Variants in NRG2 observed in about 807,000 individuals in gnomAD.
NRG2 encodes the protein pro-neuregulin-2, membrane-bound isoform.
A neutral mutation model predicts 73.9 loss-of-function variants in NRG2; 27 were observed. The observed-to-expected ratio is 0.37, with a 90% CI of 0.27 to 0.50. NRG2 has a LOEUF of 0.50. Among genes scored for constraint, NRG2 ranks in the 20% least tolerant of loss-of-function variants. The pLI is 0.96. For synonymous variants in NRG2, 532 were observed against 541.0 expected (o/e 0.98, Z 0.23); for missense variants, 1,126 against 1,210.1 (o/e 0.93, Z 1.03).
In NRG2 at chr5:139,894,193, C is replaced by A. The variant is rs1764407718; in HGVS notation, c.701-6682G>T. On this transcript the variant is annotated intron_variant, in intron 1 of 9. Transcript: ENST00000361474. This position sits in a 1 kb window ranked among gnomAD's most constrained non-coding sequence, Gnocchi z 5.0. ...GGCAACCCAGCCAGGGAGGACCTGG[C>A]TCTGCCTCCCTCCCGGCACCCAGCG... 6.6e-6 allele frequency among the ~76,000 whole-genome samples: 1 copy of A among 152,194 alleles called. No homozygotes were observed. The highest frequency in any genetic ancestry group is 2.1e-4 in the South Asian group (1 of 4,832).
chr5:139,903,346 C>T (rs1242877918), intron 1 of NRG2, among the ~76,000 whole-genome samples: 1 of 152,202 alleles, frequency 6.6e-6, no homozygotes, highest in East Asian at 1.9e-4. Flanking sequence ...ACCACCTGCT[C>T]CCAGGATTGT....
Position 139,851,811 on chromosome 5 carries a change from C to T in NRG2, c.1565G>A (p.Ser522Asn), listed in dbSNP as rs1242667168. 1 of 1,614,202 alleles carries T rather than the reference C, an allele frequency of 6.2e-7. No individual in the cohort carries two copies. The highest frequency in any genetic ancestry group is 8.5e-7 in the Non-Finnish European group (1 of 1,180,030). Residue 522 changes from serine (S) to asparagine (N), a missense_variant, in exon 9 of 10, where the codon AGC (serine) becomes AAC (asparagine). By Grantham distance (46) the Ser-to-Asn change is conservative (BLOSUM62 1). This residue lies in a region of NRG2 where 539 missense variants were observed against 703.2 expected (regional missense o/e 0.77). Transcript: ENST00000361474. The surrounding 1 kb of genome is among the most constrained non-coding windows in gnomAD (Gnocchi z 4.2). The stretch of plus-strand genomic sequence containing the variant: ...AGTCAGGCTCTCAGAACGTTCCAGG[C>T]TCCACGTGTGGCTCTCGTGTCTGGG... ...SSHRHESHTW[S>N]LERSESLTSD... is the part of the protein sequence containing the mutation.
At chr5:140,009,441 T>C (rs1759178887) in intron 1 of NRG2, among the ~76,000 whole-genome samples, 1 of 152,240 alleles carries the variant, frequency 6.6e-6, no homozygotes, top group Non-Finnish European at 1.5e-5. Flanking sequence ...TTGACAATTA[T>C]GAATAAAGCT....
intron 1 of NRG2, among the ~76,000 whole-genome samples, chr5:139,986,426 T>C (rs1757178053): frequency 6.6e-6 from 1 of 152,128 alleles, no homozygotes. Flanking sequence ...GTCTTTAAGA[T>C]ATAACTGTGA....
intron 5 of NRG2, among the ~76,000 whole-genome samples, chr5:139,857,373 G>A (rs773787200): frequency 2.0e-5 from 3 of 152,042 alleles, no homozygotes; most frequent in African/African-American, 4.8e-5. Flanking sequence ...AAGTATGATC[G>A]TGCCAGATGG....
intron 1 of NRG2, among the ~76,000 whole-genome samples, chr5:139,925,858 A>T (rs1752019628): frequency 6.6e-6 from 1 of 151,994 alleles, no homozygotes; most frequent in Non-Finnish European, 1.5e-5. Flanking sequence ...GCCAGCACAG[A>T]CCTCCAGGCC....
chr5:139,963,017 C>T (rs933184261), intron 1 of NRG2, among the ~76,000 whole-genome samples: 6 of 152,340 alleles, frequency 3.9e-5, no homozygotes, highest in South Asian at 2.1e-4. Context: ...TTAGGTTTCT[C>T]TTCTCCAGGT....
At chr5:139,945,396 T>C (rs897881887) in intron 1 of NRG2, among the ~76,000 whole-genome samples, 1 of 152,160 alleles carries the variant, frequency 6.6e-6, no homozygotes, top group Non-Finnish European at 1.5e-5. Flanking sequence ...TTTAGGTCTT[T>C]ATTGAAAAGA....
At chr5:139,996,496 G>C (rs987228213) in intron 1 of NRG2, among the ~76,000 whole-genome samples, 22 of 152,180 alleles carry the variant, frequency 1.4e-4, no homozygotes, top group African/African-American at 5.3e-4. Context: ...ATTGTTGAAT[G>C]TGCAATAAAG....
In NRG2 at chr5:139,870,521, C is replaced by T. The variant is rs553374519; in HGVS notation, c.1112+1200G>A. Reference sequence around the variant, plus strand: ...CAGGAAGGGGGCTGTGGATCTAGAGCGGGAGATCAGAGGCAGGGGAGCTGA... The same window carrying T: ...CAGGAAGGGGGCTGTGGATCTAGAGTGGGAGATCAGAGGCAGGGGAGCTGA... On this transcript the variant is annotated intron_variant, in intron 4 of 9. Coordinates refer to ENST00000361474, the MANE Select transcript of NRG2 (RefSeq NM_004883.3). The surrounding 1 kb of genome is among the most constrained non-coding windows in gnomAD (Gnocchi z 4.4). Among the ~76,000 whole-genome samples the T allele has an allele frequency of 1.3e-5, 2 of 152,236 alleles. No homozygotes were observed. The highest frequency in any genetic ancestry group is 1.9e-4 in the East Asian group (1 of 5,178).
At chr5:139,955,385 C>T (rs1242607044) in intron 1 of NRG2, among the ~76,000 whole-genome samples, 1 of 152,012 alleles carries the variant, frequency 6.6e-6, no homozygotes, top group Admixed American at 6.6e-5. Flanking sequence ...GAGGGTGATG[C>T]ATATGGAAAC....
At chr5:139,860,864 A>C (rs1762103564) in intron 5 of NRG2, among the ~76,000 whole-genome samples, 1 of 152,104 alleles carries the variant, frequency 6.6e-6, no homozygotes, top group Non-Finnish European at 1.5e-5. Context: ...AATCTAGTTA[A>C]GTCTCAGGCT....
At chr5:140,024,605 G>A (rs961234022) in intron 1 of NRG2, among the ~76,000 whole-genome samples, 2 of 152,180 alleles carry the variant, frequency 1.3e-5, no homozygotes, top group African/African-American at 4.8e-5. Flanking sequence ...TGGGAGGGAC[G>A]ATCCTCATTT....
intron 1 of NRG2, among the ~76,000 whole-genome samples, chr5:139,995,375 G>A (rs1244408166): frequency 6.6e-6 from 1 of 152,046 alleles, no homozygotes; most frequent in Non-Finnish European, 1.5e-5. Context: ...GGGCAGCAGT[G>A]ATTTCCTGAC....
At chr5:139,854,502 G>A (rs1761691887) in intron 6 of NRG2, among the ~76,000 whole-genome samples, 1 of 152,226 alleles carries the variant, frequency 6.6e-6, no homozygotes, top group Admixed American at 6.5e-5. Context: ...GTGGGGGCAG[G>A]ACAGGCGGCT....
chr5:139,967,974 A>AAAAT (rs58017535), intron 1 of NRG2, among the ~76,000 whole-genome samples: 41,325 of 144,224 alleles, frequency 0.29, 6,317 homozygotes, highest in East Asian at 0.54. Context: ...ATAAAACATA[A>AAAAT]AAATAAATAA....
At chr5:139,877,595 C>G (rs981318537) in intron 3 of NRG2, among the ~76,000 whole-genome samples, 2 of 152,244 alleles carry the variant, frequency 1.3e-5, no homozygotes, top group Non-Finnish European at 2.9e-5. Context: ...CTCCTGGTCC[C>G]CAGCAGTGGC....
Position 139,848,006 on chromosome 5 carries a change from A to C in NRG2, c.2464T>G (p.Tyr822Asp). The change falls in exon 10 of 10, where the codon TAC becomes GAC. Residue 822 changes from tyrosine (Y) to aspartate (D), a missense_variant. Transcript: ENST00000361474. ...CGCGTGCTGTGGCTGTCCAGTGAGT[A>C]GTAAGTCCTGCTGTCGGCCGCCGGG... The part of the protein sequence containing the change: ...LCPAADSRTY[Y>D]SLDSHSTRAS... 4.6e-6 allele frequency: 7 copies of C among 1,514,968 alleles called. No homozygotes were observed. The highest frequency in any genetic ancestry group is 6.2e-6 in the Non-Finnish European group (7 of 1,136,008). The allele number at this position is 1,514,968 out of a possible 1,614,324, so 93.8% of individuals were successfully genotyped here.
chr5:139,868,611 C>T lies in NRG2; in HGVS notation c.1113-2986G>A, dbSNP rs1405405075. ...AGCCCACGGGCTGCATCTGGGGTGA[C>T]AGAGAGGTCAGGACCTCTGCCTTCC... On this transcript the variant is annotated intron_variant, in intron 4 of 9. Transcript: ENST00000361474. The surrounding 1 kb of genome is among the most constrained non-coding windows in gnomAD (Gnocchi z 4.2). 6.6e-6 allele frequency among the ~76,000 whole-genome samples: 1 copy of T among 152,032 alleles called. No homozygotes were observed. The highest frequency in any genetic ancestry group is 2.4e-5 in the African/African-American group (1 of 41,388).
Sources: gnomAD v4.1 joint callset for allele counts (sites outside exome capture counted in the v4.1 genomes callset) on GRCh38, gnomAD v4.1.1 for gene constraint, gnomAD v4.1.1 regional missense constraint, Gnocchi (gnomAD v3.1) non-coding constraint, MANE v1.5 for transcripts, NCBI Gene and HGNC (gene_info 2026-07-23, HGNC 2026-07-21) for gene names.